The following AGBL1 variants were observed in gnomAD, a reference collection of about 807,000 sequenced individuals.
The protein encoded by AGBL1 is AGBL carboxypeptidase 1.
In AGBL1, 130 loss-of-function variants were observed where a neutral mutation model predicts 118.9. The observed-to-expected ratio is 1.09, with a 90% CI of 0.95 to 1.26. The LOEUF (loss-of-function observed/expected upper bound fraction) is 1.26, where lower values mean the gene tolerates loss of function less well. AGBL1 is among the 50% of genes most tolerant of loss of function. AGBL1 has a pLI of 0.00. For synonymous variants in AGBL1, 555 were observed against 478.9 expected (o/e 1.16, Z -2.08); for missense variants, 1,584 against 1,298.1 (o/e 1.22, Z -3.38).
At chr15:86,164,785 G>A (rs999784528) in intron 5 of AGBL1, among the ~76,000 whole-genome samples, 6 of 152,158 alleles carry the variant, frequency 3.9e-5, no homozygotes, top group Admixed American at 2.0e-4. Flanking sequence ...AGGTCTTGAA[G>A]CCCATTGTAT....
At chr15:86,431,193 G>T (rs551063852) in intron 18 of AGBL1, among the ~76,000 whole-genome samples, 1 of 152,328 alleles carries the variant, frequency 6.6e-6, no homozygotes. Context: ...ATGACCAGGA[G>T]AGATTAGTGC....
At chr15:86,766,383 T>G (rs2078097356) in intron 22 of AGBL1, among the ~76,000 whole-genome samples, 1 of 152,006 alleles carries the variant, frequency 6.6e-6, no homozygotes, top group Non-Finnish European at 1.5e-5. Context: ...CTGGTCCCTT[T>G]ATAAAACTAC....
chr15:86,620,194 C>G (rs2084784280), intron 21 of AGBL1, among the ~76,000 whole-genome samples: 2 of 152,262 alleles, frequency 1.3e-5, no homozygotes, highest in African/African-American at 4.8e-5. Flanking sequence ...TCCATGAGGT[C>G]ACATCCAGTC....
At chr15:86,871,519 G>A (rs1174277937) in intron 22 of AGBL1, among the ~76,000 whole-genome samples, 1 of 152,088 alleles carries the variant, frequency 6.6e-6, no homozygotes, top group Admixed American at 6.5e-5. Flanking sequence ...TGCCACTCCT[G>A]TGGTCTGGAT....
chr15:86,291,364 G>GCACA (rs71144036), intron 16 of AGBL1, among the ~76,000 whole-genome samples: 5 of 150,978 alleles, frequency 3.3e-5, no homozygotes, highest in South Asian at 2.1e-4. Flanking sequence ...GTTTATTTAT[G>GCACA]CACACACACA....
chr15:86,891,593 C>G (rs1175941378), intron 22 of AGBL1, among the ~76,000 whole-genome samples: 1 of 147,690 alleles, frequency 6.8e-6, no homozygotes, highest in African/African-American at 2.5e-5. Context: ...AAAAAAAAAA[C>G]AAGCAAGGGA....
chr15:86,229,989 A>G (rs1435650199), intron 6 of AGBL1, among the ~76,000 whole-genome samples: 1 of 152,224 alleles, frequency 6.6e-6, no homozygotes, highest in Non-Finnish European at 1.5e-5. Flanking sequence ...AAGTTGGGGC[A>G]TGGGAACAGA....
At chr15:86,767,511 AG>A (rs1223314579) in intron 22 of AGBL1, among the ~76,000 whole-genome samples, 1 of 151,946 alleles carries the variant, frequency 6.6e-6, no homozygotes, top group Non-Finnish European at 1.5e-5. Context: ...TAGTTTCAGG[AG>A]GTAGCAAATA....
At chr15:86,722,329 G>A (rs887084996) in intron 22 of AGBL1, among the ~76,000 whole-genome samples, 75 of 152,234 alleles carry the variant, frequency 4.9e-4, no homozygotes, top group African/African-American at 1.5e-3. Flanking sequence ...ATGGAACAGA[G>A]CAGAGCCCTC....
rs573841102 is a variant in AGBL1 at position 86,271,800 on chromosome 15, C to G, written c.2075+94C>G. On this transcript the variant is annotated intron_variant, in intron 15 of 22. Coordinates refer to ENST00000614907, the MANE Select transcript of AGBL1 (RefSeq NM_001386094.1). ...TATTGATCTTATAAACATCAGCAATCTGTGCTTGTCTGCTAAACTTTTTGT... is the reference window on the plus strand; with the variant it reads ...TATTGATCTTATAAACATCAGCAATGTGTGCTTGTCTGCTAAACTTTTTGT... 58 of 1,175,992 alleles carry G rather than the reference C, an allele frequency of 4.9e-5. No individual in the cohort carries two copies. In the African/African-American group the frequency reaches 8.7e-4, roughly 18 times the overall value. 72.8% of individuals were successfully genotyped at this position (1,175,992 alleles called of 1,614,324 possible). A position where few individuals can be genotyped will look rare whatever the true frequency, so the allele number is the denominator to read the frequency against.
intron 18 of AGBL1, among the ~76,000 whole-genome samples, chr15:86,519,780 CAACA>C (rs2083164100): frequency 6.6e-6 from 1 of 152,146 alleles, no homozygotes; most frequent in South Asian, 2.1e-4. Context: ...CCAAAACAGA[CAACA>C]AACAAACCAA....
intron 21 of AGBL1, among the ~76,000 whole-genome samples, chr15:86,664,750 A>G (rs1050682824): frequency 2.6e-5 from 4 of 152,080 alleles, no homozygotes; most frequent in Non-Finnish European, 5.9e-5. Flanking sequence ...TTTGCCTTTT[A>G]TTATTGAATA....
intron 17 of AGBL1, among the ~76,000 whole-genome samples, chr15:86,364,221 C>T (rs1045510360): frequency 6.6e-6 from 1 of 152,100 alleles, no homozygotes; most frequent in African/African-American, 2.4e-5. Flanking sequence ...AATGTAGGAC[C>T]CAGCTCTCCA....
chr15:86,730,955 G>A (rs1352515453), intron 22 of AGBL1, among the ~76,000 whole-genome samples: 1 of 152,056 alleles, frequency 6.6e-6, no homozygotes, highest in African/African-American at 2.4e-5. Flanking sequence ...AGTCTCCCGA[G>A]TAGCTGGGAT....
In AGBL1 at chr15:86,712,585, G is replaced by T. The variant is rs75940159; in HGVS notation, c.3158+38149G>T. Among the ~76,000 whole-genome samples the T allele has an allele frequency of 2.5e-3, 383 of 152,162 alleles. 1 individual carries two copies. Among genetic ancestry groups the T allele is most frequent in the African/African-American group, 8.1e-3 (335 of 41,518 alleles). On this transcript the variant is annotated intron_variant, in intron 22 of 22. Transcript: ENST00000614907. ...TTAATACAGCAGAGAAAAAAAATCC[G>T]CCTGTACTCTGAGAATGAACATTTA...
intron 21 of AGBL1, among the ~76,000 whole-genome samples, chr15:86,650,419 C>T (rs918066803): frequency 6.6e-6 from 1 of 152,138 alleles, no homozygotes; most frequent in Non-Finnish European, 1.5e-5. Context: ...GGGGGATATA[C>T]TTCTGGTCAA....
intron 17 of AGBL1, among the ~76,000 whole-genome samples, chr15:86,331,450 A>G (rs560530214): frequency 6.6e-6 from 1 of 152,270 alleles, no homozygotes; most frequent in Admixed American, 6.5e-5. Flanking sequence ...AGAAATCCAG[A>G]GAAGACCTGC....
intron 23 of AGBL1, among the ~76,000 whole-genome samples, chr15:86,931,009 G>A (rs2080597260): frequency 6.6e-6 from 1 of 152,160 alleles, no homozygotes; most frequent in Admixed American, 6.5e-5. Context: ...GTAGACCTCA[G>A]ATAAGGAGGA....
rs766862249 is a variant in AGBL1 at position 86,215,221 on chromosome 15, A to ATGTGTGTGTG, written c.489-9691_489-9690insTGTGTGTGTG. Among the ~76,000 whole-genome samples the ATGTGTGTGTG allele has an allele frequency of 4.2e-4, 53 of 124,766 alleles. No individual in the cohort carries two copies. The South Asian group carries it at 0.012, about 29-fold the overall frequency. 81.9% of individuals were successfully genotyped at this position (124,766 alleles called of 152,430 possible). ...TGTGTGTGTGTGTGAGTGTATATGT[A>ATGTGTGTGTG]TGCGTGTGTGTGTGTGTGTGTGTGT... On this transcript the variant is annotated intron_variant, in intron 5 of 22. Transcript: ENST00000614907.
Sources: allele counts gnomAD v4.1 joint callset (sites outside exome capture counted in the v4.1 genomes callset), GRCh38; gene constraint gnomAD v4.1.1; transcripts MANE v1.5; gene names NCBI Gene and HGNC (gene_info 2026-07-23, HGNC 2026-07-21).